TMPRSS9: variants seen among roughly 807,000 people sequenced by gnomAD.
The protein encoded by TMPRSS9 is transmembrane protease serine 9.
In TMPRSS9, 113 loss-of-function variants were observed where a neutral mutation model predicts 111.4. The observed-to-expected ratio is 1.01, with a 90% confidence interval of 0.87 to 1.19. The LOEUF (loss-of-function observed/expected upper bound fraction) is 1.19, where lower values mean the gene tolerates loss of function less well. TMPRSS9 is among the 50% of genes most tolerant of loss of function. The pLI is 0.00. For missense variants in TMPRSS9, 1,803 were observed against 1,513.1 expected, an observed-to-expected ratio of 1.19 and a Z score of -3.18; for synonymous variants, 805 against 659.1, an observed-to-expected ratio of 1.22 and a Z score of -3.39.
chr19:2,411,855 A>G (rs1342161046), intron 9 of TMPRSS9, among the ~76,000 whole-genome samples: 1 of 152,060 alleles, frequency 6.6e-6, no homozygotes, highest in African/African-American at 2.4e-5. Flanking sequence ...CCCGGCCGAC[A>G]ATTATAATTT....
intron 14 of TMPRSS9, among the ~76,000 whole-genome samples, 166 bp from the exon 16 acceptor site, chr19:2,423,923 C>T (rs1424930542): frequency 6.6e-6 from 1 of 152,174 alleles, no homozygotes; most frequent in Non-Finnish European, 1.5e-5. Context: ...AAAGACCAAG[C>T]AGCAGGCCCA....
chr19:2,420,479 G>GT (rs1971438500), intron 13 of TMPRSS9, among the ~76,000 whole-genome samples: 1 of 148,994 alleles, frequency 6.7e-6, no homozygotes, highest in African/African-American at 2.5e-5. Context: ...GATTTCAATA[G>GT]TAACTCTCAA....
chr19:2,394,478 G>A (rs1245415352), intron 1 of TMPRSS9, among the ~76,000 whole-genome samples: 2 of 152,142 alleles, frequency 1.3e-5, no homozygotes, highest in African/African-American at 2.4e-5. Context: ...AGTGGAGAGC[G>A]GGAGGCGTTC....
At chr19:2,363,902 A>G (rs1281523104) in intron 1 of TMPRSS9, among the ~76,000 whole-genome samples, 1 of 151,344 alleles carries the variant, frequency 6.6e-6, no homozygotes. Flanking sequence ...TCCTCTGTAA[A>G]TGGGCATGCT....
intron 1 of TMPRSS9, among the ~76,000 whole-genome samples, chr19:2,366,191 T>A (rs1267348826): frequency 2.0e-5 from 3 of 150,880 alleles, no homozygotes; most frequent in Non-Finnish European, 4.4e-5. Flanking sequence ...ACCAAAAATT[T>A]AAAAAATTAG....
rs1288999893 is a variant in TMPRSS9, at chr19:2,418,325, C to T, written c.2154+187C>T. Among the ~76,000 whole-genome samples, 82 of 34,280 alleles carry T rather than the reference C, an allele frequency of 2.4e-3. 18 individuals are homozygous for T. In the African/African-American group the frequency reaches 0.025, roughly 10 times the overall value. The allele number at this position is 34,280 out of a possible 152,430, so 22.5% of individuals were successfully genotyped here. The stretch of plus-strand genomic sequence containing the variant: ...CCTCCCTTTCCCTCCCTCCCTCCCT[C>T]CCTCCCTTTCCTTCCCTCCCTTTCC... On this transcript the variant is annotated intron_variant, in intron 13 of 17. Transcript: ENST00000648592.
intron 1 of TMPRSS9, among the ~76,000 whole-genome samples, chr19:2,394,488 C>T (rs1005137573): frequency 2.0e-5 from 3 of 152,150 alleles, no homozygotes; most frequent in African/African-American, 2.4e-5. Context: ...GGGAGGCGTT[C>T]TGAACTATTT....
At chr19:2,396,214 G>A in intron 1 of TMPRSS9, 1 of 241,594 alleles carries the variant, frequency 4.1e-6, no homozygotes. Context: ...AGACAGGCAT[G>A]AGCAGGACCT....
chr19:2,364,872 G>C (rs1032045258), intron 1 of TMPRSS9, among the ~76,000 whole-genome samples: 1 of 151,866 alleles, frequency 6.6e-6, no homozygotes, highest in African/African-American at 2.4e-5. Flanking sequence ...CTGTAATCTC[G>C]GGAGGCTGAA....
intron 10 of TMPRSS9, among the ~76,000 whole-genome samples, chr19:2,415,284 C>T (rs982622242): frequency 6.6e-6 from 1 of 152,040 alleles, no homozygotes; most frequent in Non-Finnish European, 1.5e-5. Context: ...CACTCTGTTC[C>T]GAAACCCCCT....
Position 2,410,656 on chromosome 19 carries a change from A to G in TMPRSS9, c.1254+262A>G, listed in dbSNP as rs191781354. Among the ~76,000 whole-genome samples the G allele has an allele frequency of 1.8e-3, 279 of 152,038 alleles. 1 individual carries two copies. The highest frequency in any genetic ancestry group is 6.3e-3 in the African/African-American group (260 of 41,462). On this transcript the variant is annotated intron_variant, in intron 9 of 17. Transcript: ENST00000648592. ...TTCCAGAAGCTCTAACCTGACTTCA[A>G]TCCCTCCTCTGCCCTCCATGGCTCC...
intron 1 of TMPRSS9, among the ~76,000 whole-genome samples, chr19:2,371,640 C>T (rs1970291209): frequency 1.3e-5 from 2 of 151,782 alleles, no homozygotes; most frequent in Admixed American, 6.6e-5. Flanking sequence ...GAGGTTGCAG[C>T]GAGCCAACAT....
In TMPRSS9 at chr19:2,368,796, TTTTTTA is replaced by T. The variant is rs1354229281; in HGVS notation, c.-26+8437_-26+8442del. Among the ~76,000 whole-genome samples, 115 of 123,976 alleles carry T rather than the reference TTTTTTA, an allele frequency of 9.3e-4. 11 individuals are homozygous for T. Among genetic ancestry groups the T allele is most frequent in the East Asian group, 5.1e-3 (22 of 4,352 alleles). The allele number at this position is 123,976 out of a possible 152,430, so 81.3% of individuals were successfully genotyped here. On this transcript the variant is annotated intron_variant, in intron 1 of 17. Coordinates refer to the TMPRSS9 transcript ENST00000649857. ...CCAGTTTTTTTTTTTTTTTTTTTTT[TTTTTTA>T]AAGACAGAGTCTCACTCTGTCGCCC...
chr19:2,401,903 C>G, intron 4 of TMPRSS9, 72 bp from the exon 6 acceptor site: 1 of 1,453,504 alleles, frequency 6.9e-7, no homozygotes, highest in Non-Finnish European at 9.4e-7. Flanking sequence ...CCACCGCGCC[C>G]GGCCAATAGG....
intron 1 of TMPRSS9, among the ~76,000 whole-genome samples, chr19:2,391,144 G>C (rs1006580239): frequency 6.8e-6 from 1 of 146,436 alleles, no homozygotes; most frequent in Admixed American, 7.2e-5. Flanking sequence ...GGCTGAGGCA[G>C]GAGAATTGCT....
intron 1 of TMPRSS9, among the ~76,000 whole-genome samples, chr19:2,383,415 G>C (rs1175924438): frequency 6.6e-6 from 1 of 151,594 alleles, no homozygotes; most frequent in Non-Finnish European, 1.5e-5. Context: ...ACTTTGAGAG[G>C]CTGAGGCAGG....
intron 7 of TMPRSS9, among the ~76,000 whole-genome samples, chr19:2,407,240 A>G (rs540978532): frequency 2.6e-5 from 4 of 151,660 alleles, no homozygotes; most frequent in East Asian, 2.0e-4. Context: ...TGGACAGGCT[A>G]TAGTGAGCTT....
At chr19:2,382,032 G>A (rs1170530641) in intron 1 of TMPRSS9, among the ~76,000 whole-genome samples, 2 of 152,072 alleles carry the variant, frequency 1.3e-5, no homozygotes, top group African/African-American at 2.4e-5. Context: ...AGTAGAGACG[G>A]GGTTTCACTA....
At chr19:2,370,584 C>T (rs1393006174) in intron 1 of TMPRSS9, among the ~76,000 whole-genome samples, 11 of 152,158 alleles carry the variant, frequency 7.2e-5, no homozygotes. Flanking sequence ...CCTCCTTGGC[C>T]TCCCAAGGTG....
Sources: gnomAD v4.1 joint callset for allele counts (sites outside exome capture counted in the v4.1 genomes callset) on GRCh38, gnomAD v4.1.1 for gene constraint, MANE v1.5 for transcripts, NCBI Gene and HGNC (gene_info 2026-07-23, HGNC 2026-07-21) for gene names.